The following DGKH variants were observed in gnomAD, a reference collection of about 807,000 sequenced individuals.
DGKH encodes DAG kinase eta.
In DGKH, 90 loss-of-function variants were observed where a neutral mutation model predicts 159.3. The observed-to-expected ratio is 0.57, with a 90% confidence interval of 0.48 to 0.67. DGKH has a LOEUF of 0.67. Ranked by LOEUF, DGKH falls within the 30% of genes least tolerant of loss-of-function variation. The pLI is 0.00. For synonymous variants in DGKH, 536 were observed against 553.8 expected (o/e 0.97, Z 0.45); for missense variants, 1,181 against 1,506.1 (o/e 0.78, Z 3.57).
At chr13:42,072,222 T>A (rs138580413) in intron 1 of DGKH, among the ~76,000 whole-genome samples, 19 of 152,324 alleles carry the variant, frequency 1.2e-4, no homozygotes, top group African/African-American at 4.3e-4. Flanking sequence ...AGTGTTGTGG[T>A]TAAGATCATG....
chr13:42,118,968 C>T (rs1449364493), intron 1 of DGKH, among the ~76,000 whole-genome samples: 3 of 152,190 alleles, frequency 2.0e-5, no homozygotes, highest in Non-Finnish European at 4.4e-5. Context: ...TTTTCTTCCC[C>T]ATTGCCTTAA....
At chr13:42,055,122 G>A (rs898726537) in intron 1 of DGKH, among the ~76,000 whole-genome samples, 3 of 152,160 alleles carry the variant, frequency 2.0e-5, no homozygotes, top group Non-Finnish European at 4.4e-5. Flanking sequence ...GGCAGGATAT[G>A]GCCCATGGAT....
chr13:42,149,592 T>G (rs1391974113), intron 3 of DGKH, among the ~76,000 whole-genome samples: 1 of 152,228 alleles, frequency 6.6e-6, no homozygotes, highest in African/African-American at 2.4e-5. Flanking sequence ...AGTGTAAGTT[T>G]TAAACTATCA....
chr13:42,217,534 C>T (rs532174997), intron 26 of DGKH, among the ~76,000 whole-genome samples: 220 of 151,928 alleles, frequency 1.4e-3, no homozygotes, highest in Non-Finnish European at 1.7e-3. Flanking sequence ...TGAGCCACTG[C>T]GCCCAGCCAA....
chr13:42,217,665 A>G (rs1000085702), intron 26 of DGKH, among the ~76,000 whole-genome samples: 14 of 152,202 alleles, frequency 9.2e-5, no homozygotes, highest in African/African-American at 3.4e-4. Flanking sequence ...CTAAAATTCT[A>G]TAAACATATT....
At position 42,168,793 on chromosome 13, in the gene DGKH, C is replaced by T. The variant is rs752611614; in HGVS notation, c.1342C>T (p.Arg448Ter). The T allele has an allele frequency of 2.5e-6, 4 of 1,611,980 alleles. No individual in the cohort carries two copies. The highest frequency in any genetic ancestry group is 1.7e-5 in the Admixed American group (1 of 59,622). Residue 448 changes from arginine (R) to a stop codon, truncating the protein, a stop_gained, in exon 11 of 30, where the codon CGA (arginine) becomes TGA (stop). Coordinates refer to ENST00000337343, the MANE Select transcript of DGKH (RefSeq NM_178009.5). LOFTEE classifies it high-confidence loss of function. ...QLPQILEKLE[R>*]ASTKMLDRWS... is the part of the protein sequence containing the mutation. ...TCCTCAGATCCTAGAGAAACTGGAACGAGCCAGTACCAAAATGTTGGACAG... is the reference window on the plus strand; with the variant it reads ...TCCTCAGATCCTAGAGAAACTGGAATGAGCCAGTACCAAAATGTTGGACAG...
rs550784697 is a variant in DGKH at position 42,233,619 on chromosome 13, C to T, written c.*4431C>T. 1 of 152,326 alleles carries T rather than the reference C, an allele frequency of 6.6e-6. No individual in the cohort carries two copies. The highest frequency in any genetic ancestry group is 2.4e-5 in the African/African-American group (1 of 41,554). 9.4% of individuals were successfully genotyped at this position (152,326 alleles called of 1,614,324 possible). On this transcript the variant is annotated 3_prime_UTR_variant, in exon 30 of 30. Coordinates refer to ENST00000337343, the MANE Select transcript of DGKH (RefSeq NM_178009.5). ...AATTCTGGTTCTAGATGAGCCCTACCTACCCAGTGGTTGTATTTTTGTAGC... is the reference window on the plus strand; with the variant it reads ...AATTCTGGTTCTAGATGAGCCCTACTTACCCAGTGGTTGTATTTTTGTAGC...
chr13:42,169,994 T>C (rs924156142), intron 11 of DGKH, among the ~76,000 whole-genome samples: 2 of 152,188 alleles, frequency 1.3e-5, no homozygotes, highest in African/African-American at 2.4e-5. Flanking sequence ...AAACATCAAG[T>C]TGTACACCTT....
chr13:42,108,354 A>G (rs1168233248), intron 1 of DGKH, among the ~76,000 whole-genome samples: 1 of 152,134 alleles, frequency 6.6e-6, no homozygotes, highest in African/African-American at 2.4e-5. Context: ...ATAGGTTGGG[A>G]GTTCTGGGGT....
chr13:42,149,552 T>C lies in DGKH; in HGVS notation c.385-5739T>C, dbSNP rs9594687. Reference sequence around the variant, plus strand: ...GAAAATAGGAATACTTTGTATTTTCTAATGAATGAACGGATGGATTCAAAT... The same window carrying C: ...GAAAATAGGAATACTTTGTATTTTCCAATGAATGAACGGATGGATTCAAAT... On this transcript the variant is annotated intron_variant, in intron 3 of 29. Transcript: ENST00000337343. 9.4e-3 allele frequency among the ~76,000 whole-genome samples: 1,431 copies of C among 152,364 alleles called. 23 individuals are homozygous for C. The highest frequency in any genetic ancestry group is 0.032 in the African/African-American group (1,339 of 41,584).
intron 3 of DGKH, among the ~76,000 whole-genome samples, chr13:42,151,505 G>GTGTGTATACATATAAGTGAAACTACATA (rs1955884905): frequency 7.6e-5 from 6 of 79,222 alleles, no homozygotes; most frequent in South Asian, 5.9e-4. Context: ...GTGTGTGTGT[G>GTGTGTATACATATAAGTGAAACTACATA]TATACACATG....
intron 13 of DGKH, among the ~76,000 whole-genome samples, chr13:42,183,237 T>C (rs1956822700): frequency 6.6e-6 from 1 of 151,902 alleles, no homozygotes; most frequent in African/African-American, 2.4e-5. Flanking sequence ...TGCAGTGAGC[T>C]GTGATCACGC....
chr13:42,174,400 T>A (rs747098854), intron 12 of DGKH, among the ~76,000 whole-genome samples: 3 of 152,074 alleles, frequency 2.0e-5, no homozygotes, highest in Admixed American at 6.5e-5. Context: ...GGACTCTTCA[T>A]GTGTAAAGTG....
At chr13:42,083,236 C>CA (rs1954241357) in intron 1 of DGKH, among the ~76,000 whole-genome samples, 1 of 151,990 alleles carries the variant, frequency 6.6e-6, no homozygotes, top group Non-Finnish European at 1.5e-5. Context: ...AACAAAAACA[C>CA]AAAAAAAGAG....
intron 12 of DGKH, among the ~76,000 whole-genome samples, chr13:42,177,059 A>G (rs903892111): frequency 2.6e-5 from 4 of 152,152 alleles, no homozygotes; most frequent in African/African-American, 7.2e-5. Flanking sequence ...TTTTTATTGA[A>G]TTATACATAC....
At chr13:42,114,433 G>A (rs902769281) in intron 1 of DGKH, among the ~76,000 whole-genome samples, 16 of 136,352 alleles carry the variant, frequency 1.2e-4, no homozygotes, top group Non-Finnish European at 2.3e-4. Flanking sequence ...ATTACTAAGA[G>A]CTATTATCTG....
chr13:42,045,306 T>A (rs962056626), upstream of DGKH, among the ~76,000 whole-genome samples: 1 of 152,106 alleles, frequency 6.6e-6, no homozygotes, highest in Non-Finnish European at 1.5e-5. Flanking sequence ...GAGCAAGACT[T>A]TGTCTCTAAA....
At chr13:42,196,231 A>G (rs1957200897) in intron 17 of DGKH, among the ~76,000 whole-genome samples, 1 of 152,234 alleles carries the variant, frequency 6.6e-6, no homozygotes, top group African/African-American at 2.4e-5. Flanking sequence ...CCATTTTAAG[A>G]ATAGTTTCAC....
chr13:42,250,655 A>G (rs1425420019), intron 29 of DGKH, among the ~76,000 whole-genome samples: 1 of 152,208 alleles, frequency 6.6e-6, no homozygotes, highest in Admixed American at 6.5e-5. Context: ...CACTCTTACA[A>G]TTTGTTCAAT....
Sources: allele counts gnomAD v4.1 joint callset (sites outside exome capture counted in the v4.1 genomes callset), GRCh38; gene constraint gnomAD v4.1.1; transcripts MANE v1.5; gene names NCBI Gene and HGNC (gene_info 2026-07-23, HGNC 2026-07-21).